Variants in ADAMTSL3 observed in about 807,000 individuals in gnomAD.
ADAMTSL3 encodes the protein ADAMTS like 3, also known as ADAMTS-like protein 3.
Under a neutral mutation model 201.7 loss-of-function variants are expected in ADAMTSL3, and 128 were observed. The ratio of observed to expected loss-of-function variants is 0.63; its 90% CI spans 0.55 to 0.73. The LOEUF (loss-of-function observed/expected upper bound fraction) is 0.73, where lower values mean the gene tolerates loss of function less well. ADAMTSL3 is among the 30% of genes least tolerant of loss of function. The pLI is 0.00. For synonymous variants in ADAMTSL3, 738 were observed against 748.4 expected, an observed-to-expected ratio of 0.99 and a Z score of 0.23; for missense variants, 1,990 against 2,119.6, an observed-to-expected ratio of 0.94 and a Z score of 1.20.
intron 3 of ADAMTSL3, among the ~76,000 whole-genome samples, chr15:83,706,637 C>A (rs1016426605): frequency 2.0e-5 from 3 of 151,946 alleles, no homozygotes; most frequent in African/African-American, 7.2e-5. Context: ...TCTCTTTCCT[C>A]TTTTTTCTTT....
chr15:83,897,951 A>C lies in ADAMTSL3; in HGVS notation c.1561A>C (p.Lys521Gln), dbSNP rs776631050. 1.3e-5 allele frequency: 21 copies of C among 1,613,836 alleles called. No individual in the cohort carries two copies. The highest frequency in any genetic ancestry group is 1.5e-5 in the Non-Finnish European group (18 of 1,179,872). Residue 521 changes from lysine to glutamine, a missense_variant, in exon 14 of 30, where the codon AAG (lysine) becomes CAG (glutamine). By Grantham distance (53) the Lys-to-Gln change is moderately conservative. Coordinates refer to ENST00000286744, the MANE Select transcript of ADAMTSL3 (RefSeq NM_207517.3). Reference sequence around the variant, plus strand: ...TGTTGGGGGCTGCAATCCACAACTGAAGTTACACATCAAAGAAGAATGTGT... The same window carrying C: ...TGTTGGGGGCTGCAATCCACAACTGCAGTTACACATCAAAGAAGAATGTGT... ...EHVGGCNPQLKLHIKEECVIP... is the reference protein window; with the variant it reads ...EHVGGCNPQLQLHIKEECVIP...
Position 83,943,216 on chromosome 15 carries a change from G to T in ADAMTSL3, c.2490+134G>T. The T allele has an allele frequency of 4.0e-6, 4 of 1,006,398 alleles. No homozygotes were observed. The Admixed American group carries it at 1.2e-4, about 31-fold the overall frequency. 62.3% of individuals were successfully genotyped at this position (1,006,398 alleles called of 1,614,324 possible). A position where few individuals can be genotyped will look rare whatever the true frequency, so the allele number is the denominator to read the frequency against. On this transcript the variant is annotated intron_variant, in intron 19 of 29. Transcript: ENST00000286744. ...GTCCTAGGGGGCCACATTTAAGGAG[G>T]TGCTCACTCACTCTCGGGTTTGTGC...
intron 2 of ADAMTSL3, among the ~76,000 whole-genome samples, chr15:83,695,813 A>C (rs1342851487): frequency 6.6e-6 from 1 of 152,182 alleles, no homozygotes; most frequent in Non-Finnish European, 1.5e-5. Flanking sequence ...CTTAAGACTG[A>C]AAAGTCTCAT....
At position 84,014,657 on chromosome 15, in the gene ADAMTSL3, A is replaced by C. The variant is rs145341028; in HGVS notation, c.4089A>C (p.Gly1363=). The change falls in exon 24 of 30, where the codon GGA becomes GGC. Residue 1363 remains glycine, a synonymous_variant. Transcript: ENST00000286744. ...AGAATGTTTCCCTTGAAAATGAAGG[A>C]ACCTACGTCTGCATAGCCACCAATG... ...LLQNVSLENE[G]TYVCIATNAL... is the part of the protein sequence containing the mutation. The C allele has an allele frequency of 1.3e-5, 21 of 1,611,704 alleles. No individual in the cohort carries two copies. In the African/African-American group the frequency reaches 2.4e-4, roughly 18 times the overall value.
chr15:83,840,349 G>C (rs1002783572), intron 7 of ADAMTSL3, among the ~76,000 whole-genome samples: 4 of 152,186 alleles, frequency 2.6e-5, no homozygotes, highest in African/African-American at 9.7e-5. Context: ...GGTCATTTGT[G>C]ATGTGAACAA....
At chr15:83,973,116 A>G (rs2067225591) in intron 20 of ADAMTSL3, among the ~76,000 whole-genome samples, 1 of 152,100 alleles carries the variant, frequency 6.6e-6, no homozygotes, top group Admixed American at 6.6e-5. Context: ...TGTGATGATG[A>G]CCTTTCTAAC....
intron 21 of ADAMTSL3, among the ~76,000 whole-genome samples, chr15:83,986,302 T>C (rs187207302): frequency 6.6e-6 from 1 of 152,250 alleles, no homozygotes; most frequent in Admixed American, 6.5e-5. Flanking sequence ...TACAATGATA[T>C]AGAGGAGCCT....
chr15:83,840,534 C>T (rs1291912754), intron 7 of ADAMTSL3, among the ~76,000 whole-genome samples: 1 of 152,160 alleles, frequency 6.6e-6, no homozygotes, highest in African/African-American at 2.4e-5. Context: ...GTGAGGTGTT[C>T]CAGCCTATTG....
intron 3 of ADAMTSL3, among the ~76,000 whole-genome samples, chr15:83,708,927 C>G (rs1021495187): frequency 6.6e-5 from 10 of 152,132 alleles, no homozygotes; most frequent in African/African-American, 2.4e-4. Flanking sequence ...CAAGGACACC[C>G]GTGGTTATTT....
At chr15:83,950,944 A>G (rs1018763894) in intron 19 of ADAMTSL3, among the ~76,000 whole-genome samples, 4 of 151,368 alleles carry the variant, frequency 2.6e-5, no homozygotes, top group Non-Finnish European at 5.9e-5. Flanking sequence ...ATCATCTGGG[A>G]ACAGAGATAA....
intron 15 of ADAMTSL3, among the ~76,000 whole-genome samples, chr15:83,901,668 T>C (rs1360867324): frequency 1.3e-5 from 2 of 152,174 alleles, no homozygotes; most frequent in Non-Finnish European, 2.9e-5. Flanking sequence ...GTTAGGGCAA[T>C]CTTAAATTAA....
chr15:83,803,189 T>C (rs1433996713), intron 4 of ADAMTSL3, among the ~76,000 whole-genome samples: 2 of 152,140 alleles, frequency 1.3e-5, no homozygotes, highest in African/African-American at 2.4e-5. Flanking sequence ...AAGAATAAAG[T>C]TATTGGTGAT....
At chr15:83,748,637 A>G (rs1459512967) in intron 3 of ADAMTSL3, among the ~76,000 whole-genome samples, 1 of 137,486 alleles carries the variant, frequency 7.3e-6, no homozygotes. Flanking sequence ...GTGACAGAGC[A>G]AGACCCTGTC....
rs1210315873 is a variant in ADAMTSL3, at chr15:83,859,698, T to G, written c.802+858T>G. Among the ~76,000 whole-genome samples the G allele has an allele frequency of 2.0e-5, 3 of 152,170 alleles. No homozygotes were observed. In the East Asian group the frequency reaches 5.8e-4, roughly 29 times the overall value. ...ATTCATGGGGGTGGTGGTACCCTGT[T>G]GGGTACCCCCAACTATTCTGTAGTG... On this transcript the variant is annotated intron_variant, in intron 8 of 29. Coordinates refer to ENST00000286744, the MANE Select transcript of ADAMTSL3 (RefSeq NM_207517.3).
intron 26 of ADAMTSL3, 40 bp from the exon 27 acceptor site, chr15:84,025,198 A>T (rs934664066): frequency 1.3e-6 from 2 of 1,526,740 alleles, no homozygotes; most frequent in Admixed American, 2.1e-5. Flanking sequence ...AAGATCTGGC[A>T]TACCAGTCCT....
At chr15:83,810,045 C>G (rs1182553644) in intron 5 of ADAMTSL3, among the ~76,000 whole-genome samples, 1 of 152,154 alleles carries the variant, frequency 6.6e-6, no homozygotes, top group African/African-American at 2.4e-5. Flanking sequence ...CCATTTCTAT[C>G]AACGATGAAG....
intron 15 of ADAMTSL3, among the ~76,000 whole-genome samples, chr15:83,912,190 A>G (rs2065946920): frequency 6.6e-6 from 1 of 152,246 alleles, no homozygotes; most frequent in Non-Finnish European, 1.5e-5. Context: ...ACCAGATAGT[A>G]AATGTTTTAG....
chr15:83,735,161 A>G (rs2062351106), intron 3 of ADAMTSL3, among the ~76,000 whole-genome samples: 1 of 152,150 alleles, frequency 6.6e-6, no homozygotes, highest in Non-Finnish European at 1.5e-5. Context: ...AATAAAATAA[A>G]CCAGAAGTAG....
intron 15 of ADAMTSL3, among the ~76,000 whole-genome samples, chr15:83,906,945 C>T (rs2065847528): frequency 6.6e-6 from 1 of 151,812 alleles, no homozygotes; most frequent in African/African-American, 2.4e-5. Flanking sequence ...AAATTACCAG[C>T]TGGGTGCAGT....
Sources: allele counts gnomAD v4.1 joint callset (sites outside exome capture counted in the v4.1 genomes callset), GRCh38; gene constraint gnomAD v4.1.1; transcripts MANE v1.5; gene names NCBI Gene and HGNC (gene_info 2026-07-23, HGNC 2026-07-21).